CAPNS1: variants seen among roughly 807,000 people sequenced by gnomAD.
CAPNS1 encodes calpain small subunit 1.
Under a neutral mutation model 39.2 loss-of-function variants are expected in CAPNS1, and 32 were observed. The observed-to-expected ratio is 0.82, with a 90% confidence interval of 0.62 to 1.10. The LOEUF (loss-of-function observed/expected upper bound fraction) is 1.10, where lower values mean the gene tolerates loss of function less well. Among genes scored for constraint, CAPNS1 ranks in the 50% least tolerant of loss-of-function variants. CAPNS1 has a pLI of 0.00. For missense variants in CAPNS1, 353 were observed against 373.1 expected, an observed-to-expected ratio of 0.95 and a Z score of 0.44; for synonymous variants, 153 against 136.2, an observed-to-expected ratio of 1.12 and a Z score of -0.86.
Position 36,142,300 on chromosome 19 carries a change from C to A in CAPNS1, c.210C>A (p.Ser70Arg). 2 of 1,595,454 alleles carry A rather than the reference C, an allele frequency of 1.3e-6. No individual in the cohort carries two copies. The highest frequency in any genetic ancestry group is 1.7e-6 in the Non-Finnish European group (2 of 1,165,640). The change falls in exon 3 of 11, where the codon AGC (serine) becomes AGA (arginine). Residue 70 changes from serine (S) to arginine (R), a missense_variant and splice_region_variant. By Grantham distance (110) the Ser-to-Arg change is moderately radical (BLOSUM62 -1). Coordinates refer to ENST00000246533, the MANE Select transcript of CAPNS1 (RefSeq NM_001749.4). ...ACCCCTCCCCCTTATCTCTTCGCAG[C>A]GAGGCGGCTGCGCAGTACAACCCGG... ...RILGGVISAI[S>R]EAAAQYNPEP...
Position 36,148,669 on chromosome 19 carries a change from C to G in CAPNS1, c.722-909C>G, listed in dbSNP as rs111902108. 7.4e-3 allele frequency among the ~76,000 whole-genome samples: 1,120 copies of G among 152,036 alleles called. 10 individuals carry two copies. The highest frequency in any genetic ancestry group is 0.026 in the African/African-American group (1,082 of 41,490). ...CTACTAAAAATACAAAAAAATTAGC[C>G]AGGCGTGGTGGTGCACGCCTGTAGT... On this transcript the variant is annotated intron_variant, in intron 9 of 10. Coordinates refer to ENST00000246533, the MANE Select transcript of CAPNS1 (RefSeq NM_001749.4).
Position 36,142,285 on chromosome 19 carries a change from C to G in CAPNS1, c.210-15C>G. On this transcript the variant is annotated splice_polypyrimidine_tract_variant and intron_variant, in intron 2 of 10. Transcript: ENST00000246533. ...CCGCCCCTGGCACTAACCCCTCCCC[C>G]TTATCTCTTCGCAGCGAGGCGGCTG... is the stretch of plus-strand genomic sequence containing the variant. The G allele has an allele frequency of 1.3e-6, 2 of 1,590,120 alleles. No individual in the cohort carries two copies. Among genetic ancestry groups the G allele is most frequent in the Non-Finnish European group, 1.7e-6 (2 of 1,158,804 alleles).
intron 2 of CAPNS1, 30 bp from the exon 3 acceptor site, chr19:36,142,270 C>A: frequency 6.4e-7 from 1 of 1,553,294 alleles, no homozygotes; most frequent in Non-Finnish European, 8.9e-7. Context: ...CCGCCCCTGG[C>A]ACTAACCCCT....
intron 9 of CAPNS1, among the ~76,000 whole-genome samples, chr19:36,147,506 C>G: frequency 6.6e-6 from 1 of 152,066 alleles, no homozygotes; most frequent in East Asian, 1.9e-4. Flanking sequence ...GTGGCTCACG[C>G]CTGTAATCCC....
rs758316271 is a variant in CAPNS1, at chr19:36,141,146, CGGCGGCGGTGGTGGA to C, written c.147_161del (p.Gly52_Gly56del). ...GGGGCGGCGGCGGCGGCGGCGGCGG[CGGCGGCGGTGGTGGA>C]GGCGGCGGTGGCGGTGGAACGGCCA... On this transcript the variant is annotated inframe_deletion, in exon 2 of 11. Coordinates refer to ENST00000246533, the MANE Select transcript of CAPNS1 (RefSeq NM_001749.4). 358 of 1,387,950 alleles carry C rather than the reference CGGCGGCGGTGGTGGA, an allele frequency of 2.6e-4. 2 individuals carry two copies. Among genetic ancestry groups the C allele is most frequent in the Non-Finnish European group, 2.5e-4 (273 of 1,074,466 alleles). The allele number at this position is 1,387,950 out of a possible 1,614,324, so 86.0% of individuals were successfully genotyped here. A position where few individuals can be genotyped will look rare whatever the true frequency, so the allele number is the denominator to read the frequency against.
At chr19:36,144,882 GT>G (rs1974508502) in intron 6 of CAPNS1, among the ~76,000 whole-genome samples, 1 of 152,210 alleles carries the variant, frequency 6.6e-6, no homozygotes, top group Non-Finnish European at 1.5e-5. Flanking sequence ...CATCCAAAAG[GT>G]TTAGCACAGT....
intron 6 of CAPNS1, among the ~76,000 whole-genome samples, chr19:36,144,876 C>G (rs1974507790): frequency 6.6e-6 from 1 of 152,200 alleles, no homozygotes; most frequent in South Asian, 2.1e-4. Flanking sequence ...GAACTACATC[C>G]AAAAGGTTTA....
intron 9 of CAPNS1, chr19:36,147,943 T>A (rs1974632417): frequency 6.6e-6 from 1 of 151,062 alleles, no homozygotes; most frequent in South Asian, 2.1e-4. Flanking sequence ...CGTGGGGGCG[T>A]GTCTGTAGTC....
chr19:36,146,293 C>G lies in CAPNS1; in HGVS notation c.702C>G (p.Val234=), dbSNP rs1029932853. ...TTGACAACTTCATCAGCTGCTTGGT[C>G]AGGCTGGACGCCATGTTCCGTGAGT... The part of the protein sequence containing the change: ...MDFDNFISCL[V]RLDAMFRAFK... The change falls in exon 9 of 11, where the codon GTC becomes GTG. Residue 234 remains valine, a synonymous_variant. Coordinates refer to ENST00000246533, the MANE Select transcript of CAPNS1 (RefSeq NM_001749.4). The G allele has an allele frequency of 1.9e-6, 3 of 1,612,296 alleles. No individual in the cohort carries two copies. Among genetic ancestry groups the G allele is most frequent in the Non-Finnish European group, 2.5e-6 (3 of 1,178,498 alleles).
chr19:36,143,826 G>A (rs931328777), intron 6 of CAPNS1, among the ~76,000 whole-genome samples: 1 of 148,334 alleles, frequency 6.7e-6, no homozygotes, highest in Non-Finnish European at 1.5e-5. Flanking sequence ...TCGCGCCACT[G>A]CACTCCAGCC....
chr19:36,142,213 C>A, intron 2 of CAPNS1, 87 bp from the exon 3 acceptor site: 3 of 828,722 alleles, frequency 3.6e-6, no homozygotes. Flanking sequence ...CGGCTGGGGT[C>A]TGGAGCGTTG....
intron 9 of CAPNS1, among the ~76,000 whole-genome samples, chr19:36,148,825 A>G (rs899833443): frequency 6.6e-6 from 1 of 151,426 alleles, no homozygotes; most frequent in Admixed American, 6.6e-5. Flanking sequence ...AAAAAAAAAG[A>G]AAGAAAGGCA....
At chr19:36,146,996 C>T (rs555594070) in intron 9 of CAPNS1, among the ~76,000 whole-genome samples, 2 of 152,248 alleles carry the variant, frequency 1.3e-5, no homozygotes, top group East Asian at 1.9e-4. Context: ...AGGCACACAC[C>T]GCCATGCCTG....
intron 1 of CAPNS1, chr19:36,140,418 T>G (rs1974315078): frequency 6.6e-6 from 1 of 152,488 alleles, no homozygotes; most frequent in Non-Finnish European, 1.5e-5. Context: ...ACCGCGATCG[T>G]AGATCTGTGC....
At chr19:36,140,549 C>T (rs968995610) in intron 1 of CAPNS1, 1 of 156,932 alleles carries the variant, frequency 6.4e-6, no homozygotes, top group African/African-American at 2.4e-5. Flanking sequence ...TACCTAAATT[C>T]TCAAGCCCAC....
chr19:36,149,952 C>A lies in CAPNS1; in HGVS notation c.*113C>A. The A allele has an allele frequency of 9.6e-7, 1 of 1,044,658 alleles. No individual in the cohort carries two copies. The highest frequency in any genetic ancestry group is 1.3e-6 in the Non-Finnish European group (1 of 770,678). 64.7% of individuals were successfully genotyped at this position (1,044,658 alleles called of 1,614,324 possible). On this transcript the variant is annotated 3_prime_UTR_variant, in exon 11 of 11. Coordinates refer to ENST00000246533, the MANE Select transcript of CAPNS1 (RefSeq NM_001749.4). ...TCACATCTTTGTGGGGCCTGCTGAC[C>A]CACAAGCTTTTGTTCTCTCAGTACT... is the stretch of plus-strand genomic sequence containing the variant.
chr19:36,140,674 A>C, intron 1 of CAPNS1: 1 of 289,684 alleles, frequency 3.5e-6, no homozygotes, highest in South Asian at 6.9e-5. Context: ...CTCACATTCT[A>C]GCGCCCAGAC....
At position 36,142,642 on chromosome 19, in the gene CAPNS1, C is replaced by G. The variant is rs1406210328; in HGVS notation, c.244-10C>G. On this transcript the variant is annotated splice_polypyrimidine_tract_variant and intron_variant, in intron 3 of 10. Coordinates refer to ENST00000246533, the MANE Select transcript of CAPNS1 (RefSeq NM_001749.4). ...CCCTCCCCCTGCTCTGAGCTCTCCTCCCTTTGCAGCCCCCACGCACACATT... is the reference window on the plus strand; with the variant it reads ...CCCTCCCCCTGCTCTGAGCTCTCCTGCCTTTGCAGCCCCCACGCACACATT... 8.1e-6 allele frequency: 13 copies of G among 1,613,514 alleles called. No homozygotes were observed. The East Asian group carries it at 2.9e-4, about 36-fold the overall frequency.
intron 9 of CAPNS1, among the ~76,000 whole-genome samples, chr19:36,147,265 C>T (rs975114069): frequency 6.6e-6 from 1 of 152,176 alleles, no homozygotes; most frequent in Non-Finnish European, 1.5e-5. Flanking sequence ...CATAGTCACC[C>T]AGCTAGGAAG....
Sources: allele counts gnomAD v4.1 joint callset (sites outside exome capture counted in the v4.1 genomes callset), GRCh38; gene constraint gnomAD v4.1.1; transcripts MANE v1.5; gene names NCBI Gene and HGNC (gene_info 2026-07-23, HGNC 2026-07-21).